The following DCC variants were observed in gnomAD, a reference collection of about 807,000 sequenced individuals.
DCC encodes netrin receptor DCC.
DCC carries 58 observed loss-of-function variants against 172.5 expected under a neutral mutation model. That is an observed-to-expected ratio of 0.34 (90% CI 0.27 to 0.42). DCC has a LOEUF of 0.42. Among genes scored for constraint, DCC ranks in the 10% least tolerant of loss-of-function variants. DCC has a pLI of 1.00. For missense variants in DCC, 1,740 were observed against 1,791.0 expected (o/e 0.97, Z 0.51); for synonymous variants, 709 against 644.5 (o/e 1.10, Z -1.52).
Position 53,066,417 on chromosome 18 carries a change from GTGTT to G in DCC, c.1261+255_1261+258del, listed in dbSNP as rs1345697302. ...TATATATGTGCATGTGTGTATGTGT[GTGTT>G]TGTGTATATATATATATATATAAAA... On this transcript the variant is annotated intron_variant, in intron 7 of 28. Transcript: ENST00000442544. Among the ~76,000 whole-genome samples the G allele has an allele frequency of 5.0e-3, 682 of 135,098 alleles. 3 individuals are homozygous for G. The highest frequency in any genetic ancestry group is 8.5e-3 in the Non-Finnish European group (550 of 64,884). The allele number at this position is 135,098 out of a possible 152,430, so 88.6% of individuals were successfully genotyped here.
chr18:52,850,383 C>T (rs1312799730), intron 2 of DCC, among the ~76,000 whole-genome samples: 2 of 152,078 alleles, frequency 1.3e-5, no homozygotes, highest in East Asian at 3.9e-4. Flanking sequence ...AAGTCTCTCC[C>T]CCAACTGTAT....
In DCC at chr18:53,202,677, G is replaced by A. The variant is rs942713323; in HGVS notation, c.1574-2539G>A. On this transcript the variant is annotated intron_variant, in intron 9 of 28. Transcript: ENST00000442544. ...TGGTAGAGTAGAGGGCTGGGAAGGC[G>A]TAGGGGACCTTCAAATTCTGCTTGG... Among the ~76,000 whole-genome samples the A allele has an allele frequency of 3.9e-5, 6 of 152,204 alleles. No homozygotes were observed. The East Asian group carries it at 7.7e-4, about 20-fold the overall frequency.
At chr18:53,324,248 G>A (rs1374893845) in intron 14 of DCC, among the ~76,000 whole-genome samples, 4 of 152,142 alleles carry the variant, frequency 2.6e-5, no homozygotes, top group South Asian at 2.1e-4. Context: ...AAGTTGTGGA[G>A]CTAGAAAAAG....
intron 26 of DCC, among the ~76,000 whole-genome samples, chr18:53,487,890 G>T (rs1460933781): frequency 1.3e-5 from 2 of 151,942 alleles, no homozygotes. Context: ...GAATTAAATA[G>T]GAAAGATGTA....
At chr18:52,658,325 T>A (rs2035293754) in intron 1 of DCC, among the ~76,000 whole-genome samples, 1 of 152,198 alleles carries the variant, frequency 6.6e-6, no homozygotes, top group Non-Finnish European at 1.5e-5. Context: ...TCTCAAAACA[T>A]CCAAATCATA....
intron 2 of DCC, among the ~76,000 whole-genome samples, chr18:52,826,942 A>G (rs187720062): frequency 1.3e-5 from 2 of 152,362 alleles, no homozygotes; most frequent in East Asian, 3.9e-4. Flanking sequence ...ACAGTATAGT[A>G]ACTATTTACA....
intron 7 of DCC, among the ~76,000 whole-genome samples, chr18:53,125,889 G>A (rs778909576): frequency 6.6e-6 from 1 of 152,116 alleles, no homozygotes; most frequent in Non-Finnish European, 1.5e-5. Flanking sequence ...CACAGTGTAT[G>A]AAACAGATAC....
intron 1 of DCC, among the ~76,000 whole-genome samples, chr18:52,749,125 G>T (rs1459863513): frequency 6.6e-6 from 1 of 152,136 alleles, no homozygotes; most frequent in African/African-American, 2.4e-5. Flanking sequence ...ACCTGAGGCG[G>T]AGGTTGCAGT....
At chr18:53,201,197 C>T (rs890147626) in intron 9 of DCC, among the ~76,000 whole-genome samples, 4 of 152,114 alleles carry the variant, frequency 2.6e-5, no homozygotes, top group Non-Finnish European at 4.4e-5. Flanking sequence ...TCAGCTCTCA[C>T]CTGCTTTGAA....
intron 15 of DCC, among the ~76,000 whole-genome samples, chr18:53,346,753 T>C (rs1450306598): frequency 6.6e-6 from 1 of 152,206 alleles, no homozygotes; most frequent in Non-Finnish European, 1.5e-5. Context: ...AATTTCAACA[T>C]CTGCACCATT....
In DCC at chr18:52,858,502, CT is replaced by C. The variant is rs570333557; in HGVS notation, c.413-47539del. 1.3e-3 allele frequency among the ~76,000 whole-genome samples: 205 copies of C among 152,298 alleles called. 1 individual carries two copies. The highest frequency in any genetic ancestry group is 2.1e-3 in the Non-Finnish European group (144 of 68,034). Reference sequence around the variant, plus strand: ...TGCCCTAGGATATTAAGACATATTACTTTAGTAGAGGCATACAATTCTCCCA... The same window carrying C: ...TGCCCTAGGATATTAAGACATATTACTTAGTAGAGGCATACAATTCTCCCA... On this transcript the variant is annotated intron_variant, in intron 2 of 28. Coordinates refer to ENST00000442544, the MANE Select transcript of DCC (RefSeq NM_005215.4).
chr18:52,784,573 A>G (rs1325832452), intron 2 of DCC, among the ~76,000 whole-genome samples: 4 of 151,862 alleles, frequency 2.6e-5, no homozygotes, highest in Non-Finnish European at 5.9e-5. Flanking sequence ...GTTTGCCAGC[A>G]GTTGTTATTT....
intron 2 of DCC, among the ~76,000 whole-genome samples, chr18:52,848,680 T>C (rs2038931893): frequency 2.0e-5 from 3 of 152,196 alleles, no homozygotes; most frequent in South Asian, 2.1e-4. Context: ...GTAGTCAGGC[T>C]CTGACTTTAC....
chr18:52,737,684 T>G (rs1042664091), intron 1 of DCC, among the ~76,000 whole-genome samples: 1 of 152,132 alleles, frequency 6.6e-6, no homozygotes, highest in Admixed American at 6.5e-5. Context: ...ATAAAGGATC[T>G]GTGGCTCTGG....
chr18:53,288,422 A>G (rs937039899), intron 12 of DCC, among the ~76,000 whole-genome samples: 1 of 152,094 alleles, frequency 6.6e-6, no homozygotes, highest in Non-Finnish European at 1.5e-5. Context: ...GTTTCTTTCC[A>G]TGTTGCATAA....
At position 52,891,038 on chromosome 18, in the gene DCC, A is replaced by G. The variant is rs1359419117; in HGVS notation, c.413-15006A>G. Among the ~76,000 whole-genome samples, 3 of 152,132 alleles carry G rather than the reference A, an allele frequency of 2.0e-5. No individual in the cohort carries two copies. In the East Asian group the frequency reaches 5.8e-4, roughly 29 times the overall value. ...CCAATTAAATCAGTGTAAATGGTGT[A>G]AAATTAATAAGAAGGCTCAATAAAT... On this transcript the variant is annotated intron_variant, in intron 2 of 28. Coordinates refer to ENST00000442544, the MANE Select transcript of DCC (RefSeq NM_005215.4).
At chr18:52,953,854 A>C (rs1254303194) in intron 5 of DCC, among the ~76,000 whole-genome samples, 1 of 152,232 alleles carries the variant, frequency 6.6e-6, no homozygotes, top group Admixed American at 6.5e-5. Context: ...CTTTTCAGAA[A>C]GATTGTGCTG....
rs150402125 is a variant in DCC at position 53,116,014 on chromosome 18, T to C, written c.1262-41342T>C. ...AATGGTTCAAAGTAGATTAGATAAA[T>C]TTATGGGTCTGCCAAATCCTCATAA... On this transcript the variant is annotated intron_variant, in intron 7 of 28. Coordinates refer to ENST00000442544, the MANE Select transcript of DCC (RefSeq NM_005215.4). Among the ~76,000 whole-genome samples the C allele has an allele frequency of 2.0e-5, 3 of 151,620 alleles. No individual in the cohort carries two copies. The East Asian group carries it at 5.9e-4, about 30-fold the overall frequency.
intron 1 of DCC, among the ~76,000 whole-genome samples, chr18:52,678,016 C>T (rs542677547): frequency 6.6e-6 from 1 of 152,196 alleles, no homozygotes; most frequent in Admixed American, 6.6e-5. Context: ...GTATTACCTT[C>T]CAGTGGAAGT....
Sources: allele counts gnomAD v4.1 joint callset (sites outside exome capture counted in the v4.1 genomes callset), GRCh38; gene constraint gnomAD v4.1.1; transcripts MANE v1.5; gene names NCBI Gene and HGNC (gene_info 2026-07-23, HGNC 2026-07-21).